The following BCR variants were observed in gnomAD, a reference collection of about 807,000 sequenced individuals.
BCR encodes BCR activator of RhoGEF and GTPase.
Under a neutral mutation model 138.6 loss-of-function variants are expected in BCR, and 58 were observed. The observed-to-expected ratio is 0.42, with a 90% CI of 0.34 to 0.52. The LOEUF (loss-of-function observed/expected upper bound fraction) is 0.52, where lower values mean the gene tolerates loss of function less well. Ranked by LOEUF, BCR falls within the 20% of genes least tolerant of loss-of-function variation. The pLI is 0.06. For synonymous variants in BCR, 786 were observed against 730.1 expected (o/e 1.08, Z -1.23); for missense variants, 1,599 against 1,727.2 (o/e 0.93, Z 1.32).
chr22:23,256,693 G>A (rs1321421472), intron 2 of BCR, among the ~76,000 whole-genome samples: 1 of 152,146 alleles, frequency 6.6e-6, no homozygotes, highest in African/African-American at 2.4e-5. Flanking sequence ...CAGATTAGGG[G>A]GACTAGGAGG....
chr22:23,257,291 G>A (rs1319363439), intron 2 of BCR, among the ~76,000 whole-genome samples: 3 of 152,064 alleles, frequency 2.0e-5, no homozygotes, highest in East Asian at 3.9e-4. Flanking sequence ...GAGCGGCCCC[G>A]CCCTTCAGAA....
At chr22:23,198,405 C>G in intron 1 of BCR, 2 of 441,892 alleles carry the variant, frequency 4.5e-6, no homozygotes, top group Non-Finnish European at 8.7e-6. Context: ...GTGTTTGGGT[C>G]TATGGGAAGG....
intron 1 of BCR, among the ~76,000 whole-genome samples, chr22:23,238,538 G>T (rs1466175826): frequency 2.0e-5 from 3 of 152,124 alleles, no homozygotes; most frequent in Non-Finnish European, 4.4e-5. Flanking sequence ...GGGTATGTTG[G>T]TTCCACGTCC....
At chr22:23,271,213 G>T (rs1294966704) in intron 5 of BCR, among the ~76,000 whole-genome samples, 3 of 152,226 alleles carry the variant, frequency 2.0e-5, no homozygotes, top group African/African-American at 7.2e-5. Context: ...ACGTGCTCCT[G>T]TACCTATAGG....
At position 23,310,685 on chromosome 22, in the gene BCR, T is replaced by C. The variant is rs184846233; in HGVS notation, c.3182+252T>C. 2.0e-3 allele frequency among the ~76,000 whole-genome samples: 310 copies of C among 152,328 alleles called. 1 individual carries two copies. The highest frequency in any genetic ancestry group is 7.1e-3 in the African/African-American group (297 of 41,552). On this transcript the variant is annotated intron_variant, in intron 18 of 22. Coordinates refer to ENST00000305877, the MANE Select transcript of BCR (RefSeq NM_004327.4). The stretch of plus-strand genomic sequence containing the variant: ...GCCCAAGTGCAGGGTTTTCTGCCCT[T>C]GCTTGGAATTTATCACGGTCCCAGA...
intron 2 of BCR, among the ~76,000 whole-genome samples, chr22:23,258,266 A>G (rs1015126957): frequency 5.3e-5 from 8 of 152,040 alleles, no homozygotes; most frequent in Non-Finnish European, 1.2e-4. Flanking sequence ...TGGCCCAGGA[A>G]GGCTTTTTAG....
chr22:23,310,005 A>C, intron 17 of BCR: 1 of 413,290 alleles, frequency 2.4e-6, no homozygotes, highest in Admixed American at 3.6e-5. Context: ...AGGCAGGAGA[A>C]TCACTGGAAC....
chr22:23,285,144 G>A lies in BCR; in HGVS notation c.2349G>A (p.Glu783=), dbSNP rs771045791. ...ACATCCCCCTGGTGCCCGATGAGGA[G>A]CTGGACGCTTTGAAGATCAAGATCT... is the stretch of plus-strand genomic sequence containing the variant. ...VPNIPLVPDE[E]LDALKIKISQ... is the part of the protein sequence containing the mutation. The change falls in exon 10 of 23, where the codon GAG becomes GAA. Residue 783 remains glutamate, a synonymous_variant. Transcript: ENST00000305877. The A allele has an allele frequency of 1.5e-5, 24 of 1,613,900 alleles. No individual in the cohort carries two copies. The highest frequency in any genetic ancestry group is 2.7e-5 in the African/African-American group (2 of 74,928).
rs28573708 is a variant in BCR, at chr22:23,315,783, T to G, written c.*261T>G. On this transcript the variant is annotated 3_prime_UTR_variant, in exon 23 of 23. Transcript: ENST00000305877. ...CGCCCCAAGCCAGTTCATCTCGGAG[T>G]CCAGGCCTGGCCCTGGGAGACAGGG... 0.08 allele frequency: 45,093 copies of G among 565,302 alleles called. 2,043 individuals carry two copies. Among genetic ancestry groups the G allele is most frequent in the East Asian group, 0.15 (4,515 of 29,636 alleles). 35.0% of individuals were successfully genotyped at this position (565,302 alleles called of 1,614,324 possible). A position where few individuals can be genotyped will look rare whatever the true frequency, so the allele number is the denominator to read the frequency against.
chr22:23,277,172 G>A (rs185406887), intron 8 of BCR, among the ~76,000 whole-genome samples: 1 of 152,350 alleles, frequency 6.6e-6, no homozygotes, highest in African/African-American at 2.4e-5. Flanking sequence ...TACATGACAT[G>A]GAGTGTCAAG....
At chr22:23,261,732 T>A in intron 4 of BCR, 192 bp downstream of exon 4, 2 of 117,914 alleles carry the variant, frequency 1.7e-5, no homozygotes, top group Non-Finnish European at 1.9e-5. Flanking sequence ...ATGCCCAGCC[T>A]TTTTTTTTTT....
intron 2 of BCR, among the ~76,000 whole-genome samples, chr22:23,257,837 G>A (rs187913288): frequency 4.1e-4 from 62 of 152,346 alleles, no homozygotes; most frequent in Admixed American, 3.4e-3. Flanking sequence ...TGAGAGTACG[G>A]AGACCCTGAA....
chr22:23,283,842 G>T (rs2073677988), intron 8 of BCR, 135 bp from the exon 9 acceptor site: 1 of 1,201,754 alleles, frequency 8.3e-7, no homozygotes, highest in Non-Finnish European at 1.1e-6. Flanking sequence ...GTGAGGGTCA[G>T]ATGTGGAGGG....
At chr22:23,258,770 G>A (rs376503946) in intron 2 of BCR, among the ~76,000 whole-genome samples, 4 of 152,226 alleles carry the variant, frequency 2.6e-5, no homozygotes, top group African/African-American at 4.8e-5. Flanking sequence ...AGACTCCTCC[G>A]GGCCTAGATG....
intron 1 of BCR, among the ~76,000 whole-genome samples, chr22:23,191,887 G>A (rs1431310371): frequency 2.0e-5 from 3 of 152,172 alleles, no homozygotes; most frequent in Non-Finnish European, 2.9e-5. Flanking sequence ...TTATCCCGCT[G>A]GTTCTGTTTC....
intron 8 of BCR, 83 bp from the exon 9 acceptor site, chr22:23,283,891 CCTG>C: frequency 3.5e-6 from 5 of 1,448,710 alleles, no homozygotes; most frequent in Non-Finnish European, 4.6e-6. Flanking sequence ...TCTGGGTCAA[CCTG>C]CTCCTGCTGG....
At chr22:23,261,672 T>C in intron 4 of BCR, 132 bp downstream of exon 4, 1 of 918,688 alleles carries the variant, frequency 1.1e-6, no homozygotes, top group Non-Finnish European at 1.6e-6. Context: ...CCTCAAGTGA[T>C]CCACCTGCCT....
At chr22:23,254,511 AGTAGCG>A (rs770252875) in intron 2 of BCR, 1 of 518,918 alleles carries the variant, frequency 1.9e-6, no homozygotes, top group Non-Finnish European at 3.8e-6. Flanking sequence ...ATGGCTAGTG[AGTAGCG>A]GCACATTCAG....
At position 23,273,731 on chromosome 22, in the gene BCR, A is replaced by C. The variant is rs764868725; in HGVS notation, c.2072A>C (p.Glu691Ala). Residue 691 changes from glutamate to alanine, a missense_variant, in exon 8 of 23, where the codon GAG (glutamate) becomes GCG (alanine). By Grantham distance (107) the Glu-to-Ala change is moderately radical (BLOSUM62 -1). This residue lies in a region of BCR where 590 missense variants were observed against 762.4 expected (regional missense o/e 0.77). Transcript: ENST00000305877. ...SQNFLSSINE[E>A]ITPRRQSMTV... is the part of the protein sequence containing the mutation. ...AACTTCCTGTCCAGCATCAATGAGG[A>C]GATCACACCCCGACGGCAGTCCATG... 1.9e-6 allele frequency: 3 copies of C among 1,614,128 alleles called. No homozygotes were observed. The highest frequency in any genetic ancestry group is 2.5e-6 in the Non-Finnish European group (3 of 1,180,032).
Sources: allele counts gnomAD v4.1 joint callset (sites outside exome capture counted in the v4.1 genomes callset), GRCh38; gene constraint gnomAD v4.1.1; regional missense constraint gnomAD v4.1.1; transcripts MANE v1.5; gene names NCBI Gene and HGNC (gene_info 2026-07-23, HGNC 2026-07-21).